GPATCH2L: variants seen among roughly 807,000 people sequenced by gnomAD.
GPATCH2L encodes G-patch domain containing 2 like.
GPATCH2L carries 31 observed loss-of-function variants against 57.4 expected under a neutral mutation model. That is an observed-to-expected ratio of 0.54 (90% CI 0.41 to 0.73). GPATCH2L has a LOEUF of 0.73. GPATCH2L is among the 30% of genes least tolerant of loss of function. The pLI, the probability that GPATCH2L is intolerant of heterozygous loss-of-function variation, is 0.00. For missense variants in GPATCH2L, 481 were observed against 599.9 expected (o/e 0.80, Z 2.07); for synonymous variants, 199 against 210.7 (o/e 0.94, Z 0.48).
At chr14:76,195,767 C>A (rs924922161) in intron 8 of GPATCH2L, 111 bp from the exon 9 acceptor site, 3 of 761,442 alleles carry the variant, frequency 3.9e-6, no homozygotes, top group Middle Eastern at 2.6e-4. Context: ...AAAGATGGTG[C>A]CCATTTTGTT....
chr14:76,226,700 G>A (rs145409309), intron 1 of GPATCH2L, among the ~76,000 whole-genome samples: 35 of 152,298 alleles, frequency 2.3e-4, no homozygotes, highest in African/African-American at 8.2e-4. Flanking sequence ...ACCATCCGCT[G>A]TGTGAGGATG....
chr14:76,164,209 G>T (rs955566209), intron 2 of GPATCH2L, among the ~76,000 whole-genome samples: 1 of 152,142 alleles, frequency 6.6e-6, no homozygotes, highest in African/African-American at 2.4e-5. Context: ...CCCTAAATGG[G>T]ACGCCCTACC....
intron 2 of GPATCH2L, among the ~76,000 whole-genome samples, chr14:76,156,017 T>G (rs2038291025): frequency 6.6e-6 from 1 of 152,220 alleles, no homozygotes; most frequent in South Asian, 2.1e-4. Context: ...GGCACTGTAC[T>G]ATGGACTTAG....
At chr14:76,196,437 G>GT (rs78248589) in intron 9 of GPATCH2L, 18,097 of 129,436 alleles carry the variant, frequency 0.14, 1,029 homozygotes, top group Admixed American at 0.17. Flanking sequence ...AAACTTTTCA[G>GT]TTTTTTTTTT....
chr14:76,192,023 G>A (rs1241742272), intron 8 of GPATCH2L, among the ~76,000 whole-genome samples: 1 of 151,756 alleles, frequency 6.6e-6, no homozygotes, highest in Non-Finnish European at 1.5e-5. Context: ...TTATGAGTGA[G>A]AACTCAATGT....
At chr14:76,199,577 C>G (rs1825469659) in intron 9 of GPATCH2L, among the ~76,000 whole-genome samples, 1 of 152,160 alleles carries the variant, frequency 6.6e-6, no homozygotes, top group African/African-American at 2.4e-5. Flanking sequence ...AAATACTGCA[C>G]TGTTCTCTGA....
At chr14:76,161,888 T>G (rs117114018) in intron 2 of GPATCH2L, among the ~76,000 whole-genome samples, 34 of 152,128 alleles carry the variant, frequency 2.2e-4, no homozygotes, top group Non-Finnish European at 2.2e-4. Flanking sequence ...ATATGAAAAT[T>G]AGCCAGGCGT....
intron 4 of GPATCH2L, among the ~76,000 whole-genome samples, chr14:76,172,743 C>T (rs890402540): frequency 6.6e-6 from 1 of 152,186 alleles, no homozygotes; most frequent in Non-Finnish European, 1.5e-5. Flanking sequence ...ACCAGTTAAT[C>T]AGTTGCCAAG....
chr14:76,153,335 T>C (rs2038143115), intron 1 of GPATCH2L, among the ~76,000 whole-genome samples: 1 of 152,268 alleles, frequency 6.6e-6, no homozygotes, highest in Admixed American at 6.5e-5. Context: ...GCTGTACAAA[T>C]TAAATATTTC....
chr14:76,208,779 A>G lies in GPATCH2L; in HGVS notation c.*6928A>G, dbSNP rs1313031214. ...TCCTCAACCCTTTGAAAGCCTGAGT[A>G]CCACTAAGGTATACTGCCCTTATCT... On this transcript the variant is annotated 3_prime_UTR_variant, in exon 10 of 10. Coordinates refer to ENST00000261530, the MANE Select transcript of GPATCH2L (RefSeq NM_017926.4). The G allele has an allele frequency of 6.6e-6, 1 of 152,228 alleles. No homozygotes were observed. The highest frequency in any genetic ancestry group is 1.5e-5 in the Non-Finnish European group (1 of 68,064). The allele number at this position is 152,228 out of a possible 1,614,324, so 9.4% of individuals were successfully genotyped here. A position where few individuals can be genotyped will look rare whatever the true frequency, so the allele number is the denominator to read the frequency against.
chr14:76,234,516 T>C (rs181902799), intron 2 of GPATCH2L: 21 of 152,380 alleles, frequency 1.4e-4, no homozygotes, highest in African/African-American at 4.6e-4. Context: ...TGTTACTGGC[T>C]TTGAAGGAAC....
intron 9 of GPATCH2L, among the ~76,000 whole-genome samples, chr14:76,200,044 T>G (rs1281465973): frequency 6.6e-6 from 1 of 152,218 alleles, no homozygotes; most frequent in African/African-American, 2.4e-5. Flanking sequence ...GATGAAGACA[T>G]TTGCTAAGTC....
intron 4 of GPATCH2L, 144 bp downstream of exon 4, chr14:76,172,163 T>G: frequency 2.0e-6 from 1 of 489,242 alleles, no homozygotes; most frequent in Admixed American, 4.0e-5. Context: ...TCTAGAGGAG[T>G]CAAAGTAAGT....
intron 1 of GPATCH2L, among the ~76,000 whole-genome samples, chr14:76,219,346 C>T (rs904459910): frequency 9.9e-5 from 15 of 152,066 alleles, no homozygotes; most frequent in Admixed American, 4.6e-4. Context: ...TTGAAGCATA[C>T]GAAAATGCTT....
chr14:76,165,384 T>G (rs2038783527), intron 2 of GPATCH2L, among the ~76,000 whole-genome samples: 2 of 150,710 alleles, frequency 1.3e-5, no homozygotes, highest in Non-Finnish European at 3.0e-5. Flanking sequence ...CCCAGCTACT[T>G]GGGAGGCTGA....
rs2039805357 is a variant in GPATCH2L at position 76,187,328 on chromosome 14, G to C, written c.1193+6479G>C. Among the ~76,000 whole-genome samples the C allele has an allele frequency of 2.0e-5, 3 of 151,824 alleles. No homozygotes were observed. In the South Asian group the frequency reaches 6.2e-4, roughly 32 times the overall value. On this transcript the variant is annotated intron_variant, in intron 8 of 9. Transcript: ENST00000261530. The stretch of plus-strand genomic sequence containing the variant: ...TTCCTACTGTGTTGTGAGCTCCTGG[G>C]GACAGGACCTCAGCTCAGTCATCTT...
chr14:76,227,711 A>G (rs747890185), intron 1 of GPATCH2L, among the ~76,000 whole-genome samples: 4 of 114,222 alleles, frequency 3.5e-5, no homozygotes, highest in Non-Finnish European at 7.4e-5. Flanking sequence ...TGCATTGGAT[A>G]AAGTACTACT....
At chr14:76,166,623 T>C (rs758920954) in intron 2 of GPATCH2L, 40 bp from the exon 3 acceptor site, 4 of 1,411,702 alleles carry the variant, frequency 2.8e-6, no homozygotes, top group Admixed American at 3.4e-5. Context: ...TGTTTTTGAC[T>C]GGAGCTGATG....
chr14:76,232,011 A>ACTGCAGCCTCTCTGC, intron 2 of GPATCH2L, among the ~76,000 whole-genome samples: 1 of 150,440 alleles, frequency 6.6e-6, no homozygotes, highest in Non-Finnish European at 1.5e-5. Flanking sequence ...CTGCAGGCTC[A>ACTGCAGCCTCTCTGC]AGCAATCTTC....
Sources: gnomAD v4.1 joint callset for allele counts (sites outside exome capture counted in the v4.1 genomes callset) on GRCh38, gnomAD v4.1.1 for gene constraint, MANE v1.5 for transcripts, NCBI Gene and HGNC (gene_info 2026-07-23, HGNC 2026-07-21) for gene names.